Variants in TIAM1 observed in about 807,000 individuals in gnomAD.
The protein encoded by TIAM1 is TIAM Rac1 associated GEF 1.
A neutral mutation model predicts 163.5 loss-of-function variants in TIAM1; 65 were observed. The observed-to-expected ratio is 0.40, with a 90% CI of 0.33 to 0.49. The LOEUF (loss-of-function observed/expected upper bound fraction) is 0.49. Among genes scored for constraint, TIAM1 ranks in the 20% least tolerant of loss-of-function variants. The pLI is 0.77. For synonymous variants in TIAM1, 833 were observed against 810.1 expected, an observed-to-expected ratio of 1.03 and a Z score of -0.48; for missense variants, 1,789 against 2,044.7, an observed-to-expected ratio of 0.87 and a Z score of 2.41.
At chr21:31,250,012 G>A (rs1473755165) in intron 5 of TIAM1, among the ~76,000 whole-genome samples, 2 of 151,942 alleles carry the variant, frequency 1.3e-5, no homozygotes, top group African/African-American at 4.8e-5. Flanking sequence ...CAGGCATGGT[G>A]GCACATGCCT....
intron 1 of TIAM1, among the ~76,000 whole-genome samples, chr21:31,498,046 C>T (rs2046724111): frequency 6.6e-6 from 1 of 152,236 alleles, no homozygotes; most frequent in Non-Finnish European, 1.5e-5. Context: ...ATGTGACTGT[C>T]ACAACCTGCT....
chr21:31,346,241 T>C (rs148933520), upstream of TIAM1, among the ~76,000 whole-genome samples: 1 of 152,282 alleles, frequency 6.6e-6, no homozygotes, highest in African/African-American at 2.4e-5. Flanking sequence ...CTATCACCTG[T>C]CATTTAATTA....
chr21:31,220,889 T>C (rs1242751479), intron 8 of TIAM1, among the ~76,000 whole-genome samples: 1 of 152,156 alleles, frequency 6.6e-6, no homozygotes, highest in Non-Finnish European at 1.5e-5. Context: ...AATGATAACC[T>C]TCTTTCAAAG....
At chr21:31,415,792 A>C (rs2043352429) in intron 2 of TIAM1, among the ~76,000 whole-genome samples, 1 of 152,142 alleles carries the variant, frequency 6.6e-6, no homozygotes, top group East Asian at 1.9e-4. Context: ...TGTGGGGACA[A>C]AACTGGCCTC....
chr21:31,353,207 C>G (rs1157148818), intron 2 of TIAM1, among the ~76,000 whole-genome samples: 1 of 152,142 alleles, frequency 6.6e-6, no homozygotes, highest in Non-Finnish European at 1.5e-5. Flanking sequence ...GTCCAAAACC[C>G]TAACAGTGGG....
At position 31,455,820 on chromosome 21, in the gene TIAM1, G is replaced by C. The variant is rs77315106; in HGVS notation, c.-369+8163C>G. Among the ~76,000 whole-genome samples, 1,095 of 152,300 alleles carry C rather than the reference G, an allele frequency of 7.2e-3. 17 individuals are homozygous for C. The highest frequency in any genetic ancestry group is 0.025 in the African/African-American group (1,038 of 41,568). On this transcript the variant is annotated intron_variant, in intron 2 of 28. Coordinates refer to the TIAM1 transcript ENST00000286827. ...AAACAATAGCCTGCCATCCTCAAAAGTGTTAAGGAAAATCATGGCTGTCAA... is the reference window on the plus strand; with the variant it reads ...AAACAATAGCCTGCCATCCTCAAAACTGTTAAGGAAAATCATGGCTGTCAA...
rs1356687939 is a variant in TIAM1 at position 31,276,873 on chromosome 21, C to G, written c.-153G>C. On this transcript the variant is annotated 5_prime_UTR_variant, in exon 3 of 28. Transcript: ENST00000541036. Reference sequence around the variant, plus strand: ...CACCTGCCCCCTGCGGTGGCCATCACAGTTTCATCTAAGTCTGTGAGAATG... The same window carrying G: ...CACCTGCCCCCTGCGGTGGCCATCAGAGTTTCATCTAAGTCTGTGAGAATG... 1 of 152,200 alleles carries G rather than the reference C, an allele frequency of 6.6e-6. No homozygotes were observed. The highest frequency in any genetic ancestry group is 1.5e-5 in the Non-Finnish European group (1 of 68,060). 9.4% of individuals were successfully genotyped at this position (152,200 alleles called of 1,614,324 possible). A position where few individuals can be genotyped will look rare whatever the true frequency, so the allele number is the denominator to read the frequency against.
At chr21:31,217,523 G>A (rs375636150) in intron 9 of TIAM1, 30 bp downstream of exon 9, 6 of 1,607,712 alleles carry the variant, frequency 3.7e-6, no homozygotes, top group Non-Finnish European at 5.1e-6. Context: ...GATTTGTGCG[G>A]GCTCACTTTT....
chr21:31,217,421 G>A, intron 9 of TIAM1, 132 bp downstream of exon 9: 3 of 1,232,744 alleles, frequency 2.4e-6, no homozygotes, highest in Non-Finnish European at 3.4e-6. Context: ...GTCTAGCACA[G>A]CTAGTTTCTT....
At chr21:31,144,337 C>T (rs1180201815) in intron 20 of TIAM1, among the ~76,000 whole-genome samples, 1 of 152,212 alleles carries the variant, frequency 6.6e-6, no homozygotes, top group Non-Finnish European at 1.5e-5. Context: ...AAAATATTCT[C>T]GTCCAAAAAT....
Position 31,182,552 on chromosome 21 carries a change from G to T in TIAM1, c.2756C>A (p.Ser919Ter). Reference protein sequence around the residue: ...SMLKDFLSQPSLGLLVRTYPE... With the variant: ...SMLKDFLSQP The stretch of plus-strand genomic sequence containing the variant: ...GTAGGTCCTCACCAGGAGGCCCAGC[G>T]AGGGCTGTGAGAGGAAATCTTTGAG... The change falls in exon 15 of 28, where the codon TCG (serine) becomes TAG (stop). Residue 919 changes from serine to a stop codon, truncating the protein, a stop_gained. Coordinates refer to ENST00000541036, the MANE Select transcript of TIAM1 (RefSeq NM_001353694.2). LOFTEE classifies it high-confidence loss of function. 6.2e-7 allele frequency: 1 copy of T among 1,614,086 alleles called. No individual in the cohort carries two copies. The highest frequency in any genetic ancestry group is 8.5e-7 in the Non-Finnish European group (1 of 1,179,978).
At chr21:31,477,053 A>C (rs1331235775) in intron 1 of TIAM1, among the ~76,000 whole-genome samples, 25 of 151,894 alleles carry the variant, frequency 1.6e-4, no homozygotes, top group Admixed American at 1.6e-3. Flanking sequence ...CATGCATCTC[A>C]TGTCCTTTCT....
Position 31,266,608 on chromosome 21 carries a change from G to A in TIAM1, c.365C>T (p.Ser122Phe). The part of the protein sequence containing the change: ...VDSSIVLTAA[S>F]VQSMPDTEES... ...CTCAGTGTCTGGCATGCTCTGCACA[G>A]AGGCTGCTGTGAGGACGATGCTGCT... Residue 122 changes from serine (S) to phenylalanine (F), a missense_variant, in exon 4 of 28, where the codon TCT (serine) becomes TTT (phenylalanine). By Grantham distance (155) the Ser-to-Phe change is radical (BLOSUM62 -2). Around this residue, in one of 5 missense-constraint regions of TIAM1, gnomAD observed 555 missense variants for 564.9 expected, o/e 0.98. Transcript: ENST00000541036. The A allele has an allele frequency of 4.3e-6, 7 of 1,614,210 alleles. No homozygotes were observed. The highest frequency in any genetic ancestry group is 5.9e-6 in the Non-Finnish European group (7 of 1,180,042).
At chr21:31,430,679 A>G (rs927962702) in intron 2 of TIAM1, among the ~76,000 whole-genome samples, 3 of 152,220 alleles carry the variant, frequency 2.0e-5, no homozygotes, top group African/African-American at 4.8e-5. Context: ...TTTTAGAATT[A>G]AAATTCTCTG....
At chr21:31,180,694 T>G (rs1176317550) in intron 15 of TIAM1, among the ~76,000 whole-genome samples, 3 of 152,192 alleles carry the variant, frequency 2.0e-5, no homozygotes, top group Non-Finnish European at 4.4e-5. Flanking sequence ...CAGAAACAAC[T>G]CTATCTGTGA....
chr21:31,430,154 C>T (rs979168883), intron 2 of TIAM1, among the ~76,000 whole-genome samples: 4 of 149,200 alleles, frequency 2.7e-5, no homozygotes, highest in Non-Finnish European at 4.4e-5. Flanking sequence ...TGCAGTGAGC[C>T]GAGGTCGCGC....
chr21:31,238,265 C>A (rs1050226411), intron 6 of TIAM1, among the ~76,000 whole-genome samples: 2 of 152,196 alleles, frequency 1.3e-5, no homozygotes, highest in African/African-American at 4.8e-5. Context: ...GATTCGGCTG[C>A]TCCAGAGTTA....
At position 31,388,212 on chromosome 21, in the gene TIAM1, A is replaced by AACACACACACAC. The variant is rs11369323; in HGVS notation, c.-368-48802_-368-48791dup. On this transcript the variant is annotated intron_variant, in intron 2 of 28. Transcript: ENST00000286827. ...TCTTTATCCAACGCAAGAAGACCCT[A>AACACACACACAC]ACACACACACACACACACACACACA... 1.0e-3 allele frequency among the ~76,000 whole-genome samples: 121 copies of AACACACACACAC among 115,934 alleles called. 2 individuals are homozygous for AACACACACACAC. The highest frequency in any genetic ancestry group is 5.3e-3 in the Middle Eastern group (1 of 190). 76.1% of individuals were successfully genotyped at this position (115,934 alleles called of 152,430 possible). A position where few individuals can be genotyped will look rare whatever the true frequency, so the allele number is the denominator to read the frequency against.
At chr21:31,169,548 A>G (rs2084404320) in intron 15 of TIAM1, among the ~76,000 whole-genome samples, 1 of 152,166 alleles carries the variant, frequency 6.6e-6, no homozygotes, top group African/African-American at 2.4e-5. Context: ...CTAAAATATC[A>G]TCCACGAAGG....
Sources: gnomAD v4.1 joint callset for allele counts (sites outside exome capture counted in the v4.1 genomes callset) on GRCh38, gnomAD v4.1.1 for gene constraint, gnomAD v4.1.1 regional missense constraint, MANE v1.5 for transcripts, NCBI Gene and HGNC (gene_info 2026-07-23, HGNC 2026-07-21) for gene names.